Variants in NOX4 observed in about 807,000 individuals in gnomAD.
The protein encoded by NOX4 is NADPH oxidase 4.
A neutral mutation model predicts 87.6 loss-of-function variants in NOX4; 69 were observed. The observed-to-expected ratio is 0.79, with a 90% CI of 0.65 to 0.96. The LOEUF is 0.96. Among genes scored for constraint, NOX4 ranks in the 40% least tolerant of loss-of-function variants. NOX4 has a pLI of 0.00. For synonymous variants in NOX4, 275 were observed against 238.2 expected (o/e 1.15, Z -1.42); for missense variants, 680 against 681.5 (o/e 1.00, Z 0.02).
At chr11:89,522,377 G>A in the NOX4 span, among the ~76,000 whole-genome samples, 1 of 152,124 alleles carries the variant, frequency 6.6e-6, no homozygotes, top group Non-Finnish European at 1.5e-5. Context: ...TGCAGCTGGA[G>A]GCCATTATCT....
At chr11:89,535,399 C>G in the NOX4 span, among the ~76,000 whole-genome samples, 1 of 152,248 alleles carries the variant, frequency 6.6e-6, no homozygotes. Flanking sequence ...ATGGGACTCT[C>G]ACTGATTTTT....
chr11:89,427,314 G>T (rs190903193), intron 7 of NOX4, among the ~76,000 whole-genome samples: 1 of 152,196 alleles, frequency 6.6e-6, no homozygotes, highest in East Asian at 1.9e-4. Context: ...AAATCAGAGC[G>T]CCTCTCCCCC....
At chr11:89,500,903 T>C (rs1018422727), upstream of NOX4, among the ~76,000 whole-genome samples, 2 of 152,100 alleles carry the variant, frequency 1.3e-5, no homozygotes, top group East Asian at 3.9e-4. Context: ...AATTGGTTCC[T>C]GCAAGTGGGG....
intron 13 of NOX4, among the ~76,000 whole-genome samples, chr11:89,345,227 A>G (rs1447329820): frequency 6.6e-6 from 1 of 152,144 alleles, no homozygotes; most frequent in East Asian, 1.9e-4. Flanking sequence ...TGTAGTTTTC[A>G]CCATTCCCCC....
intron 12 of NOX4, among the ~76,000 whole-genome samples, chr11:89,361,475 T>G (rs956754630): frequency 2.0e-5 from 3 of 151,896 alleles, no homozygotes; most frequent in Non-Finnish European, 4.4e-5. Context: ...AGAAGTCGGG[T>G]GAGGGATAAA....
chr11:89,341,242 C>A (rs975038870), intron 14 of NOX4, among the ~76,000 whole-genome samples: 1 of 150,134 alleles, frequency 6.7e-6, no homozygotes, highest in Non-Finnish European at 1.5e-5. Flanking sequence ...CATGCCTCAG[C>A]CTCTGGAGTA....
chr11:89,384,358 G>T (rs1940527431), intron 11 of NOX4, among the ~76,000 whole-genome samples: 12 of 152,088 alleles, frequency 7.9e-5, no homozygotes, highest in Admixed American at 7.9e-4. Flanking sequence ...CTGCCACAAG[G>T]CTTCACGGAC....
chr11:89,389,126 G>A (rs1245132279), intron 11 of NOX4, among the ~76,000 whole-genome samples: 1 of 152,236 alleles, frequency 6.6e-6, no homozygotes, highest in East Asian at 1.9e-4. Flanking sequence ...CAGCAAACAT[G>A]TGTGTGAGAT....
intron 2 of NOX4, 57 bp from the exon 3 acceptor site, chr11:89,451,952 T>A (rs1275039583): frequency 8.4e-7 from 1 of 1,196,140 alleles, no homozygotes; most frequent in East Asian, 2.3e-5. Context: ...AGCCCTGTCC[T>A]GGCTCTAGAA....
chr11:89,570,587 C>T, the NOX4 span, among the ~76,000 whole-genome samples: 2 of 152,156 alleles, frequency 1.3e-5, no homozygotes, highest in Non-Finnish European at 2.9e-5. Context: ...AATCCCAACA[C>T]TTTGAGAGGC....
At chr11:89,358,614 A>G (rs555271850) in intron 12 of NOX4, among the ~76,000 whole-genome samples, 130 of 151,786 alleles carry the variant, frequency 8.6e-4, no homozygotes, top group African/African-American at 3.1e-3. Context: ...TATCCTTAGA[A>G]AAGTTCAAGT....
At chr11:89,371,021 T>G (rs1181587068) in intron 12 of NOX4, among the ~76,000 whole-genome samples, 2 of 152,042 alleles carry the variant, frequency 1.3e-5, no homozygotes, top group Admixed American at 6.6e-5. Context: ...CCTTTGATAT[T>G]CAACCTCTTA....
chr11:89,442,127 T>A (rs1944485154), intron 5 of NOX4, among the ~76,000 whole-genome samples: 2 of 150,962 alleles, frequency 1.3e-5, no homozygotes, highest in Non-Finnish European at 1.5e-5. Flanking sequence ...GCTAAATACA[T>A]ATTTATTAAA....
chr11:89,501,873 G>C (rs943757428), upstream of NOX4, among the ~76,000 whole-genome samples: 1 of 152,110 alleles, frequency 6.6e-6, no homozygotes, highest in African/African-American at 2.4e-5. Context: ...GAGATTTACT[G>C]TGAGCCAGAA....
chr11:89,394,358 C>CA (rs35087685), intron 11 of NOX4, among the ~76,000 whole-genome samples: 104 of 150,506 alleles, frequency 6.9e-4, no homozygotes, highest in South Asian at 1.0e-3. Flanking sequence ...TAAAAAACAA[C>CA]AAAAAAAAAA....
the NOX4 span, among the ~76,000 whole-genome samples, chr11:89,587,659 C>G: frequency 6.6e-6 from 1 of 152,202 alleles, no homozygotes; most frequent in South Asian, 2.1e-4. Context: ...GACAATTTCA[C>G]TGGAATTTTG....
chr11:89,579,342 T>C, the NOX4 span, among the ~76,000 whole-genome samples: 4 of 152,178 alleles, frequency 2.6e-5, no homozygotes, highest in Non-Finnish European at 5.9e-5. Context: ...TGTTCATCAA[T>C]TGTAGTGAAT....
intron 9 of NOX4, among the ~76,000 whole-genome samples, chr11:89,400,616 G>T (rs550471985): frequency 6.6e-6 from 1 of 151,990 alleles, no homozygotes; most frequent in Non-Finnish European, 1.5e-5. Context: ...TGCCCTGGGT[G>T]TAACTATCCA....
the NOX4 span, among the ~76,000 whole-genome samples, chr11:89,587,822 G>A: frequency 6.6e-6 from 1 of 152,090 alleles, no homozygotes; most frequent in Non-Finnish European, 1.5e-5. Flanking sequence ...GTTTTTGAAA[G>A]GATTGGGATT....
Sources: allele counts gnomAD v4.1 joint callset (sites outside exome capture counted in the v4.1 genomes callset), GRCh38; gene constraint gnomAD v4.1.1; transcripts MANE v1.5; gene names NCBI Gene and HGNC (gene_info 2026-07-23, HGNC 2026-07-21).